The following AP3B1 variants were observed in gnomAD, a reference collection of about 807,000 sequenced individuals.
AP3B1 encodes the protein AP-3 complex subunit beta-1.
In AP3B1, 61 loss-of-function variants were observed where a neutral mutation model predicts 132.5. That is an observed-to-expected ratio of 0.46 (90% CI 0.37 to 0.57). The LOEUF (loss-of-function observed/expected upper bound fraction) is 0.57, where lower values mean the gene tolerates loss of function less well. AP3B1 is among the 20% of genes least tolerant of loss of function. AP3B1 has a pLI of 0.00. For synonymous variants in AP3B1, 388 were observed against 438.3 expected, an observed-to-expected ratio of 0.89 and a Z score of 1.43; for missense variants, 1,120 against 1,289.4, an observed-to-expected ratio of 0.87 and a Z score of 2.01.
chr5:78,044,706 T>C (rs1462325290), intron 22 of AP3B1, among the ~76,000 whole-genome samples: 5 of 152,196 alleles, frequency 3.3e-5, no homozygotes, highest in African/African-American at 1.2e-4. Flanking sequence ...TTTAGTCATT[T>C]AAGAGCCATC....
intron 14 of AP3B1, among the ~76,000 whole-genome samples, chr5:78,153,038 T>C (rs1374842061): frequency 6.6e-6 from 1 of 152,222 alleles, no homozygotes; most frequent in African/African-American, 2.4e-5. Context: ...TTTCTGTATA[T>C]ATCTATTAGA....
In AP3B1 at chr5:78,293,779, T is replaced by C. The variant is rs1343445906; in HGVS notation, c.128+673A>G. ...CGGTGATACTTTTTACAAAACTAAG[T>C]GTACCTTGTTTAACATTCGTTTTTA... On this transcript the variant is annotated intron_variant, in intron 1 of 26. Transcript: ENST00000255194. 4.6e-5 allele frequency among the ~76,000 whole-genome samples: 7 copies of C among 152,294 alleles called. No homozygotes were observed. In the East Asian group the frequency reaches 1.3e-3, roughly 29 times the overall value.
intron 26 of AP3B1, among the ~76,000 whole-genome samples, chr5:78,012,351 G>T (rs1746657105): frequency 7.4e-6 from 1 of 134,632 alleles, no homozygotes; most frequent in Non-Finnish European, 1.6e-5. Flanking sequence ...AAGTACAAAA[G>T]TACGTTTTAT....
At chr5:78,124,216 G>A (rs542705769) in intron 17 of AP3B1, among the ~76,000 whole-genome samples, 1 of 152,276 alleles carries the variant, frequency 6.6e-6, no homozygotes, top group South Asian at 2.1e-4. Flanking sequence ...GGCGAGTGGG[G>A]AGGGATAGCA....
At chr5:78,003,510 T>C in intron 26 of AP3B1, 1 of 718,560 alleles carries the variant, frequency 1.4e-6, no homozygotes, top group African/African-American at 1.9e-5. Flanking sequence ...AATGATTATG[T>C]AATAAGTTAG....
At chr5:78,188,240 A>C (rs1302713989) in intron 7 of AP3B1, among the ~76,000 whole-genome samples, 1 of 152,234 alleles carries the variant, frequency 6.6e-6, no homozygotes, top group East Asian at 1.9e-4. Context: ...AATGGGATCT[A>C]ATTAAACTAA....
At chr5:78,122,850 A>C (rs1269454930) in intron 17 of AP3B1, among the ~76,000 whole-genome samples, 4 of 152,234 alleles carry the variant, frequency 2.6e-5, no homozygotes, top group Non-Finnish European at 4.4e-5. Flanking sequence ...AAACTACTTT[A>C]AAGTTCATAT....
chr5:78,279,512 G>A lies in AP3B1; in HGVS notation c.129-11917C>T, dbSNP rs185107877. On this transcript the variant is annotated intron_variant, in intron 1 of 26. Coordinates refer to ENST00000255194, the MANE Select transcript of AP3B1 (RefSeq NM_003664.5). ...TATATCATCATAAAACCAGGGAATG[G>A]CAAAGCAAGGAATTAAATTTCAATC... Among the ~76,000 whole-genome samples, 14 of 152,054 alleles carry A rather than the reference G, an allele frequency of 9.2e-5. No homozygotes were observed. The East Asian group carries it at 1.4e-3, about 15-fold the overall frequency.
At chr5:78,138,837 G>T (rs535132954) in intron 15 of AP3B1, among the ~76,000 whole-genome samples, 100 of 151,602 alleles carry the variant, frequency 6.6e-4, no homozygotes, top group African/African-American at 2.4e-3. Flanking sequence ...AGGCATGGTG[G>T]CACATGCCTG....
chr5:78,292,257 G>C (rs1749556343), intron 1 of AP3B1, among the ~76,000 whole-genome samples: 1 of 152,196 alleles, frequency 6.6e-6, no homozygotes, highest in East Asian at 1.9e-4. Flanking sequence ...GTGGACTCAA[G>C]AGAGATTTAA....
chr5:78,268,586 T>C (rs1007186951), intron 1 of AP3B1, among the ~76,000 whole-genome samples: 2 of 152,130 alleles, frequency 1.3e-5, no homozygotes, highest in African/African-American at 2.4e-5. Flanking sequence ...GAATGAAGTG[T>C]CAATTTTTAG....
Position 78,267,565 on chromosome 5 carries a change from G to C in AP3B1, c.159C>G (p.Ser53Arg), listed in dbSNP as rs747277387. 1 of 1,610,506 alleles carries C rather than the reference G, an allele frequency of 6.2e-7. No individual in the cohort carries two copies. The highest frequency in any genetic ancestry group is 2.2e-5 in the East Asian group (1 of 44,702). ...KNEDLKQMLE[S>R]NKDSAKLDAM... The stretch of plus-strand genomic sequence containing the variant: ...CATCCAGTTTAGCAGAATCTTTGTT[G>C]CTCTCTAACATTTGCTTTAGATCTT... Residue 53 changes from serine to arginine, a missense_variant, in exon 2 of 27, where the codon AGC (serine) becomes AGG (arginine). Coordinates refer to ENST00000255194, the MANE Select transcript of AP3B1 (RefSeq NM_003664.5).
chr5:78,236,976 AATC>A (rs1433632035), intron 3 of AP3B1, among the ~76,000 whole-genome samples: 1 of 152,214 alleles, frequency 6.6e-6, no homozygotes, highest in East Asian at 1.9e-4. Flanking sequence ...CTACTAAATT[AATC>A]ATAAGTAAAA....
At chr5:78,201,749 CAGACAGAG>C (rs1745297821) in intron 7 of AP3B1, among the ~76,000 whole-genome samples, 2 of 152,142 alleles carry the variant, frequency 1.3e-5, no homozygotes, top group Non-Finnish European at 2.9e-5. Context: ...AAGTTAAAGA[CAGACAGAG>C]AGACATCCAA....
At chr5:78,061,296 C>A (rs2112144302) in intron 22 of AP3B1, among the ~76,000 whole-genome samples, 1 of 152,288 alleles carries the variant, frequency 6.6e-6, no homozygotes, top group South Asian at 2.1e-4. Context: ...ACATTAATTT[C>A]TGATAGTTTC....
intron 2 of AP3B1, among the ~76,000 whole-genome samples, chr5:78,265,318 C>G (rs1362257712): frequency 2.0e-5 from 3 of 152,092 alleles, no homozygotes; most frequent in African/African-American, 7.2e-5. Context: ...TGGTACACAT[C>G]TGTAGTCCCT....
At chr5:78,273,686 T>C (rs1748650375) in intron 1 of AP3B1, among the ~76,000 whole-genome samples, 1 of 152,142 alleles carries the variant, frequency 6.6e-6, no homozygotes, top group South Asian at 2.1e-4. Flanking sequence ...CTGTCAAGTC[T>C]GTCCTCAGAA....
chr5:78,113,889 G>A lies in AP3B1; in HGVS notation c.2112C>T (p.Gly704=), dbSNP rs35976098. The A allele has an allele frequency of 3.8e-4, 621 of 1,613,960 alleles. 1 individual carries two copies. The African/African-American group carries it at 7.2e-3, about 19-fold the overall frequency. ...SESGSESGEQ[G]ESGEEGDSNE... ...TGCTGTCTCCTTCCTCCCCACTTTC[G>A]CCTTGTTCTCCACTTTCACTTCCAG... The change falls in exon 19 of 27, where the codon GGC becomes GGT. Residue 704 remains glycine (G), a synonymous_variant. Coordinates refer to ENST00000255194, the MANE Select transcript of AP3B1 (RefSeq NM_003664.5).
intron 22 of AP3B1, among the ~76,000 whole-genome samples, chr5:78,085,743 G>A (rs1047963716): frequency 1.3e-5 from 2 of 152,036 alleles, no homozygotes; most frequent in African/African-American, 2.4e-5. Flanking sequence ...TCCATCTAAA[G>A]TAACTGTTAA....
Sources: allele counts gnomAD v4.1 joint callset (sites outside exome capture counted in the v4.1 genomes callset), GRCh38; gene constraint gnomAD v4.1.1; transcripts MANE v1.5; gene names NCBI Gene and HGNC (gene_info 2026-07-23, HGNC 2026-07-21).